Variants in ARMH3 observed in about 807,000 individuals in gnomAD.
ARMH3 encodes armadillo-like helical domain-containing protein 3.
Under a neutral mutation model 99.1 loss-of-function variants are expected in ARMH3, and 60 were observed. That is an observed-to-expected ratio of 0.61 (90% CI 0.49 to 0.75). ARMH3 has a LOEUF of 0.75. Among genes scored for constraint, ARMH3 ranks in the 30% least tolerant of loss-of-function variants. ARMH3 has a pLI of 0.00. For missense variants in ARMH3, 679 were observed against 843.1 expected, an observed-to-expected ratio of 0.81 and a Z score of 2.41; for synonymous variants, 285 against 292.8, an observed-to-expected ratio of 0.97 and a Z score of 0.27.
chr10:101,942,076 C>T (rs878962728), intron 22 of ARMH3, among the ~76,000 whole-genome samples: 2 of 152,196 alleles, frequency 1.3e-5, no homozygotes, highest in East Asian at 1.9e-4. Context: ...GACCTCATCA[C>T]TACATTTCCT....
intron 24 of ARMH3, among the ~76,000 whole-genome samples, chr10:101,857,618 T>C (rs1219814892): frequency 1.3e-5 from 2 of 152,170 alleles, no homozygotes; most frequent in African/African-American, 4.8e-5. Flanking sequence ...AAATATACCA[T>C]TTGTCAGCCA....
At chr10:101,977,370 G>A (rs1018227696) in intron 19 of ARMH3, among the ~76,000 whole-genome samples, 10 of 152,036 alleles carry the variant, frequency 6.6e-5, no homozygotes, top group Admixed American at 4.6e-4. Context: ...AAAGCCAGAC[G>A]AAATTATAAA....
At chr10:101,924,631 A>G (rs1843437196) in intron 23 of ARMH3, among the ~76,000 whole-genome samples, 2 of 151,538 alleles carry the variant, frequency 1.3e-5, no homozygotes, top group South Asian at 4.2e-4. Flanking sequence ...TTGGGATTAT[A>G]GGCGTGAGCC....
At chr10:101,934,946 G>A (rs1321123525) in intron 23 of ARMH3, among the ~76,000 whole-genome samples, 1 of 151,856 alleles carries the variant, frequency 6.6e-6, no homozygotes, top group Non-Finnish European at 1.5e-5. Context: ...TTTAGGACGG[G>A]TTTTAGATAC....
intron 23 of ARMH3, among the ~76,000 whole-genome samples, chr10:101,895,543 T>G (rs2067806220): frequency 6.6e-6 from 1 of 152,134 alleles, no homozygotes; most frequent in African/African-American, 2.4e-5. Context: ...CCTCCCAAAG[T>G]GTTGGGATTA....
chr10:101,872,901 C>A (rs542059134), intron 24 of ARMH3, among the ~76,000 whole-genome samples: 4 of 150,418 alleles, frequency 2.7e-5, no homozygotes, highest in Admixed American at 6.6e-5. Flanking sequence ...AAGATTGCAG[C>A]GAGCCGAGAT....
intron 8 of ARMH3, among the ~76,000 whole-genome samples, chr10:102,022,781 C>T (rs939383270): frequency 2.7e-5 from 4 of 150,906 alleles, no homozygotes; most frequent in East Asian, 2.0e-4. Flanking sequence ...GGGGTTTCAC[C>T]GTGTTAGCCA....
intron 2 of ARMH3, 39 bp downstream of exon 2, chr10:102,039,974 A>G (rs1432036756): frequency 2.6e-6 from 4 of 1,554,282 alleles, no homozygotes; most frequent in Non-Finnish European, 3.6e-6. Flanking sequence ...CTAAGAAACT[A>G]AAGACTCAAG....
chr10:101,957,165 T>TC (rs1845078873), intron 21 of ARMH3, among the ~76,000 whole-genome samples: 1 of 152,202 alleles, frequency 6.6e-6, no homozygotes, highest in Non-Finnish European at 1.5e-5. Flanking sequence ...AGACTTTTTT[T>TC]CCCTCTAATG....
chr10:101,995,722 C>T (rs1847024961), intron 15 of ARMH3, among the ~76,000 whole-genome samples: 1 of 152,200 alleles, frequency 6.6e-6, no homozygotes, highest in African/African-American at 2.4e-5. Flanking sequence ...CCCACCCTCT[C>T]ATCTGCCAGC....
chr10:102,043,944 T>C (rs2067481170), intron 1 of ARMH3, among the ~76,000 whole-genome samples: 2 of 152,008 alleles, frequency 1.3e-5, no homozygotes, highest in African/African-American at 4.8e-5. Flanking sequence ...TGAGACAGAG[T>C]CTCACTCTGT....
chr10:101,909,561 C>T (rs1019199275), intron 23 of ARMH3, among the ~76,000 whole-genome samples: 1 of 150,966 alleles, frequency 6.6e-6, no homozygotes, highest in African/African-American at 2.4e-5. Context: ...CTCAACCTCC[C>T]CAAGCTCATG....
rs548927561 is a variant in ARMH3 at position 102,011,687 on chromosome 10, G to GT, written c.831+35dup. On this transcript the variant is annotated intron_variant, in intron 11 of 25. Coordinates refer to ENST00000370033, the MANE Select transcript of ARMH3 (RefSeq NM_024541.3). ...CACCCCTGCAGACCACACTGTTTCT[G>GT]TTTTTTTCAGGAGAAAAAAAAAAAG... is the stretch of plus-strand genomic sequence containing the variant. The GT allele has an allele frequency of 2.5e-5, 38 of 1,523,254 alleles. No homozygotes were observed. In the African/African-American group the frequency reaches 3.4e-4, roughly 14 times the overall value. 94.4% of individuals were successfully genotyped at this position (1,523,254 alleles called of 1,614,324 possible). A position where few individuals can be genotyped will look rare whatever the true frequency, so the allele number is the denominator to read the frequency against.
At chr10:102,012,349 C>T (rs1326870449) in intron 10 of ARMH3, among the ~76,000 whole-genome samples, 1 of 152,126 alleles carries the variant, frequency 6.6e-6, no homozygotes, top group Non-Finnish European at 1.5e-5. Context: ...ATGAAGGGAG[C>T]CCCCAGGAGA....
rs370503995 is a variant in ARMH3 at position 101,957,736 on chromosome 10, TAAA to T, written c.1496-7_1496-5del. 25 of 1,431,314 alleles carry T rather than the reference TAAA, an allele frequency of 1.7e-5. No homozygotes were observed. Among genetic ancestry groups the T allele is most frequent in the Admixed American group, 9.9e-5 (4 of 40,574 alleles). 88.7% of individuals were successfully genotyped at this position (1,431,314 alleles called of 1,614,324 possible). A position where few individuals can be genotyped will look rare whatever the true frequency, so the allele number is the denominator to read the frequency against. On this transcript the variant is annotated splice_region_variant and splice_polypyrimidine_tract_variant and intron_variant, in intron 20 of 25. Coordinates refer to ENST00000370033, the MANE Select transcript of ARMH3 (RefSeq NM_024541.3). ...AACTTCAGCAAATTTATCAAGGCTT[TAAA>T]AAAAAAAAAAAAGACATCAACAAGC...
chr10:101,936,042 C>T (rs904638832), intron 23 of ARMH3, among the ~76,000 whole-genome samples: 1 of 152,108 alleles, frequency 6.6e-6, no homozygotes, highest in Admixed American at 6.5e-5. Context: ...CACTGGAGTA[C>T]GTACTTCCAA....
rs544532380 is a variant in ARMH3 at position 101,991,748 on chromosome 10, A to G, written c.1345+221T>C. Among the ~76,000 whole-genome samples, 4 of 152,282 alleles carry G rather than the reference A, an allele frequency of 2.6e-5. No homozygotes were observed. The East Asian group carries it at 5.8e-4, about 22-fold the overall frequency. ...AGACACAGCCATTTGTCTCACTGGA[A>G]TGACTTTTTTCTTTGAACAACAGGA... is the stretch of plus-strand genomic sequence containing the variant. On this transcript the variant is annotated intron_variant, in intron 18 of 25. Transcript: ENST00000370033.
intron 24 of ARMH3, among the ~76,000 whole-genome samples, chr10:101,888,347 G>A (rs1199263462): frequency 6.6e-6 from 1 of 152,150 alleles, no homozygotes; most frequent in East Asian, 1.9e-4. Flanking sequence ...TGTGAGGATG[G>A]ATTCTCACAG....
chr10:101,985,763 T>C (rs1846470707), intron 19 of ARMH3, among the ~76,000 whole-genome samples: 1 of 151,988 alleles, frequency 6.6e-6, no homozygotes, highest in Non-Finnish European at 1.5e-5. Flanking sequence ...ACTCCTGTAA[T>C]CCCAGCACTT....
Sources: gnomAD v4.1 joint callset for allele counts (sites outside exome capture counted in the v4.1 genomes callset) on GRCh38, gnomAD v4.1.1 for gene constraint, MANE v1.5 for transcripts, NCBI Gene and HGNC (gene_info 2026-07-23, HGNC 2026-07-21) for gene names.